PDE3A: variants seen among roughly 807,000 people sequenced by gnomAD.
The protein encoded by PDE3A is cGMP-inhibited 3',5'-cyclic phosphodiesterase 3A.
In PDE3A, 43 loss-of-function variants were observed where a neutral mutation model predicts 98.3. The ratio of observed to expected loss-of-function variants is 0.44; its 90% CI spans 0.34 to 0.56. PDE3A has a LOEUF of 0.56. Among genes scored for constraint, PDE3A ranks in the 20% least tolerant of loss-of-function variants. The pLI is 0.01. For synonymous variants in PDE3A, 663 were observed against 567.9 expected, an observed-to-expected ratio of 1.17 and a Z score of -2.38; for missense variants, 1,427 against 1,440.7, an observed-to-expected ratio of 0.99 and a Z score of 0.15.
intron 5 of PDE3A, among the ~76,000 whole-genome samples, chr12:20,624,323 A>C (rs1944207484): frequency 6.6e-6 from 1 of 152,194 alleles, no homozygotes; most frequent in Admixed American, 6.5e-5. Context: ...TTGAATAACC[A>C]ACATGATAAG....
intron 15 of PDE3A, among the ~76,000 whole-genome samples, chr12:20,673,746 C>G (rs866591297): frequency 1.4e-5 from 2 of 145,292 alleles, no homozygotes; most frequent in Non-Finnish European, 3.0e-5. Flanking sequence ...ATACCTAATG[C>G]TAGATGACGA....
At chr12:20,394,260 G>A (rs1328464321) in intron 1 of PDE3A, among the ~76,000 whole-genome samples, 1 of 151,930 alleles carries the variant, frequency 6.6e-6, no homozygotes, top group African/African-American at 2.4e-5. Flanking sequence ...ACTGTTTCAT[G>A]TTTCTCCAGA....
chr12:20,424,685 G>GA (rs1944575865), intron 1 of PDE3A, among the ~76,000 whole-genome samples: 1 of 152,130 alleles, frequency 6.6e-6, no homozygotes, highest in Admixed American at 6.5e-5. Context: ...CTACTTACCA[G>GA]AAAATCATAG....
At chr12:20,496,030 C>T (rs1945912762) in intron 1 of PDE3A, among the ~76,000 whole-genome samples, 1 of 152,162 alleles carries the variant, frequency 6.6e-6, no homozygotes, top group Admixed American at 6.6e-5. Context: ...ATTTGATTCA[C>T]ATTTCCCCCT....
chr12:20,534,411 C>G (rs1409340312), intron 1 of PDE3A, among the ~76,000 whole-genome samples: 1 of 152,120 alleles, frequency 6.6e-6, no homozygotes, highest in Non-Finnish European at 1.5e-5. Context: ...CTTCAATAGG[C>G]GAGGTGATTA....
At chr12:20,441,810 C>A (rs2067524) in intron 1 of PDE3A, among the ~76,000 whole-genome samples, 1 of 151,978 alleles carries the variant, frequency 6.6e-6, no homozygotes, top group East Asian at 1.9e-4. Context: ...TTTAAACTAC[C>A]GAGATAAACC....
chr12:20,474,359 T>A (rs1945492029), intron 1 of PDE3A, among the ~76,000 whole-genome samples: 1 of 152,198 alleles, frequency 6.6e-6, no homozygotes. Context: ...GTGAGTGTTT[T>A]CTCGTAGGAT....
intron 2 of PDE3A, among the ~76,000 whole-genome samples, chr12:20,589,516 G>C (rs1462615857): frequency 3.3e-5 from 5 of 152,088 alleles, no homozygotes; most frequent in African/African-American, 1.2e-4. Flanking sequence ...ATTATGCTGA[G>C]ATAAAAAGCA....
intron 5 of PDE3A, among the ~76,000 whole-genome samples, chr12:20,627,971 T>C (rs1182887804): frequency 6.6e-6 from 1 of 152,184 alleles, no homozygotes; most frequent in East Asian, 1.9e-4. Context: ...ACCAACCCTT[T>C]TTAACCTTTA....
chr12:20,447,592 G>A (rs75767525), intron 1 of PDE3A, among the ~76,000 whole-genome samples: 6,118 of 152,282 alleles, frequency 0.04, 174 homozygotes, highest in South Asian at 0.069. Flanking sequence ...CTAGAAGGTG[G>A]TACAACCACC....
chr12:20,481,858 G>A (rs866158606), intron 1 of PDE3A, among the ~76,000 whole-genome samples: 5 of 133,516 alleles, frequency 3.7e-5, no homozygotes, highest in African/African-American at 1.4e-4. Flanking sequence ...TCCGCCTCCC[G>A]TGTTCACGCC....
chr12:20,642,625 A>G (rs1243835992), intron 10 of PDE3A, among the ~76,000 whole-genome samples: 2 of 152,142 alleles, frequency 1.3e-5, no homozygotes, highest in Non-Finnish European at 2.9e-5. Flanking sequence ...TTCTGATTTA[A>G]GTTTGAGAAG....
At chr12:20,422,590 T>C (rs569083196) in intron 1 of PDE3A, among the ~76,000 whole-genome samples, 1 of 152,174 alleles carries the variant, frequency 6.6e-6, no homozygotes, top group Non-Finnish European at 1.5e-5. Context: ...AAATATTCTC[T>C]ATCAGAAAAA....
intron 1 of PDE3A, among the ~76,000 whole-genome samples, chr12:20,535,828 G>A (rs758854464): frequency 7.2e-5 from 11 of 151,992 alleles, no homozygotes; most frequent in East Asian, 5.8e-4. Flanking sequence ...AGAATTATTC[G>A]ATTAATAAAA....
chr12:20,616,612 G>C (rs919115990), intron 4 of PDE3A, among the ~76,000 whole-genome samples: 5 of 152,066 alleles, frequency 3.3e-5, no homozygotes, highest in South Asian at 2.1e-4. Flanking sequence ...AGAGTGACTT[G>C]ATGTGATCTC....
intron 1 of PDE3A, among the ~76,000 whole-genome samples, chr12:20,549,246 C>G (rs1224765481): frequency 4.7e-5 from 7 of 150,444 alleles, no homozygotes; most frequent in Admixed American, 3.3e-4. Context: ...GATAAAAATT[C>G]ATATGCTGTC....
At chr12:20,672,252 C>T (rs1322339787) in intron 15 of PDE3A, among the ~76,000 whole-genome samples, 6 of 147,494 alleles carry the variant, frequency 4.1e-5, no homozygotes, top group South Asian at 2.2e-4. Flanking sequence ...GAATCAATAT[C>T]GTGAAAATGG....
chr12:20,572,632 T>A (rs1942826860), intron 2 of PDE3A, among the ~76,000 whole-genome samples: 1 of 152,070 alleles, frequency 6.6e-6, no homozygotes, highest in African/African-American at 2.4e-5. Context: ...TTAGAATTTT[T>A]GAGGTTTCAT....
At chr12:20,454,371 C>T (rs1344126388) in intron 1 of PDE3A, among the ~76,000 whole-genome samples, 6 of 152,128 alleles carry the variant, frequency 3.9e-5, no homozygotes, top group Non-Finnish European at 7.4e-5. Flanking sequence ...TACCAGCTGA[C>T]GTGTTATTGT....
Sources: gnomAD v4.1 joint callset for allele counts (sites outside exome capture counted in the v4.1 genomes callset) on GRCh38, gnomAD v4.1.1 for gene constraint, MANE v1.5 for transcripts, NCBI Gene and HGNC (gene_info 2026-07-23, HGNC 2026-07-21) for gene names.